Variants in GLRA2 observed in about 807,000 individuals in gnomAD.
The protein encoded by GLRA2 is glycine receptor subunit alpha-2.
A neutral mutation model predicts 31.6 loss-of-function variants in GLRA2; 11 were observed. That is an observed-to-expected ratio of 0.35 (90% CI 0.22 to 0.58). GLRA2 has a LOEUF of 0.58. Ranked by LOEUF, GLRA2 falls within the 20% of genes least tolerant of loss-of-function variation. The probability of loss-of-function intolerance (pLI) is 0.84; values close to 1 mark genes in which losing one functional copy is unlikely to be tolerated. For missense variants in GLRA2, 212 were observed against 351.8 expected (o/e 0.60, Z 3.18); for synonymous variants, 132 against 134.0 (o/e 0.99, Z 0.10).
At chrX:14,498,484 AT>A in the GLRA2 span, among the ~76,000 whole-genome samples, 1 of 110,669 alleles carries the variant, frequency 9.0e-6, no homozygotes, top group South Asian at 3.8e-4. Context: ...TTATTTTTAA[AT>A]TTTTTTATAT....
chrX:14,462,490 A>G, the GLRA2 span, among the ~76,000 whole-genome samples: 3 of 111,462 alleles, frequency 2.7e-5, no homozygotes, highest in African/African-American at 9.8e-5. Context: ...ACACCAATCA[A>G]ATGTAGATTT....
chrX:14,550,024 G>T (rs998939693), intron 2 of GLRA2, among the ~76,000 whole-genome samples: 11 of 110,777 alleles, frequency 9.9e-5, no homozygotes, highest in Non-Finnish European at 1.9e-4. Context: ...AGTGCAGCAG[G>T]AATGTTGAGT....
At position 14,627,083 on chromosome X, in the gene GLRA2, A is replaced by G; in HGVS notation, c.930+17878A>G. Reference sequence around the variant, plus strand: ...ACATGGTTATGTTCGTTTTGTGGTGATTCATTAAACTATACACTTGTGATC... The same window carrying G: ...ACATGGTTATGTTCGTTTTGTGGTGGTTCATTAAACTATACACTTGTGATC... On this transcript the variant is annotated intron_variant, in intron 7 of 8. Transcript: ENST00000218075. 3.6e-5 allele frequency among the ~76,000 whole-genome samples: 4 copies of G among 111,219 alleles called. 1 individual carries two copies. In the South Asian group the frequency reaches 1.5e-3, roughly 42 times the overall value.
chrX:14,464,925 T>C, the GLRA2 span, among the ~76,000 whole-genome samples: 1,072 of 112,294 alleles, frequency 9.5e-3, 9 homozygotes, highest in Non-Finnish European at 0.015. Flanking sequence ...TTTGGAAATA[T>C]GGTAGCATAT....
chrX:14,507,718 CA>C, the GLRA2 span, among the ~76,000 whole-genome samples: 2 of 27,484 alleles, frequency 7.3e-5, no homozygotes, highest in South Asian at 3.8e-3. Context: ...TTTTTGGAGA[CA>C]GAGTCTCACT....
At chrX:14,467,216 AG>A in the GLRA2 span, among the ~76,000 whole-genome samples, 2 of 112,614 alleles carry the variant, frequency 1.8e-5, no homozygotes, top group Non-Finnish European at 3.7e-5. Context: ...AACAAAAAAA[AG>A]ATGTTTGTGT....
At chrX:14,454,991 C>G in the GLRA2 span, among the ~76,000 whole-genome samples, 1 of 111,510 alleles carries the variant, frequency 9.0e-6, no homozygotes, top group African/African-American at 3.3e-5. Flanking sequence ...AAATGTCAGC[C>G]TAATGTGTTT....
chrX:14,692,329 A>G (rs904340985), intron 8 of GLRA2, among the ~76,000 whole-genome samples: 1 of 112,414 alleles, frequency 8.9e-6, no homozygotes, highest in Non-Finnish European at 1.9e-5. Context: ...TCACATTCAC[A>G]GAAGTCCAGC....
At chrX:14,513,117 T>C in the GLRA2 span, among the ~76,000 whole-genome samples, 6 of 111,007 alleles carry the variant, frequency 5.4e-5, no homozygotes, top group Non-Finnish European at 1.1e-4. Flanking sequence ...AAGCTAAATA[T>C]AGCCAACTGA....
At chrX:14,592,025 A>T (rs2056160933) in intron 4 of GLRA2, among the ~76,000 whole-genome samples, 1 of 111,361 alleles carries the variant, frequency 9.0e-6, no homozygotes, top group Non-Finnish European at 1.9e-5. Context: ...CAGCTCCATA[A>T]GTTTATCATT....
the GLRA2 span, among the ~76,000 whole-genome samples, chrX:14,459,021 C>A: frequency 1.8e-5 from 2 of 111,985 alleles, no homozygotes; most frequent in Admixed American, 1.9e-4. Context: ...ACATTTAAGT[C>A]TTTAATCCAT....
intron 7 of GLRA2, among the ~76,000 whole-genome samples, chrX:14,663,239 C>A (rs1485299299): frequency 9.0e-6 from 1 of 111,201 alleles, no homozygotes; most frequent in Non-Finnish European, 1.9e-5. Context: ...ATAGTTTTGG[C>A]TTTTGTATAT....
chrX:14,630,399 C>A (rs1345438789), intron 7 of GLRA2, among the ~76,000 whole-genome samples: 1 of 111,282 alleles, frequency 9.0e-6, no homozygotes, highest in Non-Finnish European at 1.9e-5. Flanking sequence ...TGGTTTTGAG[C>A]AATTTAATTA....
intron 7 of GLRA2, among the ~76,000 whole-genome samples, chrX:14,677,321 T>C (rs2091154948): frequency 9.0e-6 from 1 of 111,671 alleles, no homozygotes; most frequent in Non-Finnish European, 1.9e-5. Flanking sequence ...ACTTACTATA[T>C]GCACAAAAAC....
intron 8 of GLRA2, among the ~76,000 whole-genome samples, chrX:14,692,902 A>G (rs1374399299): frequency 9.0e-6 from 1 of 111,695 alleles, no homozygotes; most frequent in Non-Finnish European, 1.9e-5. Flanking sequence ...AATTTTTAAA[A>G]AAGTATAACT....
chrX:14,644,811 G>A (rs2090812299), intron 7 of GLRA2, among the ~76,000 whole-genome samples: 1 of 112,009 alleles, frequency 8.9e-6, no homozygotes, highest in African/African-American at 3.2e-5. Flanking sequence ...CTAGTCAAAT[G>A]CTGATTTGAG....
At chrX:14,493,724 CGT>C in the GLRA2 span, among the ~76,000 whole-genome samples, 1 of 93,021 alleles carries the variant, frequency 1.1e-5, no homozygotes, top group African/African-American at 4.5e-5. Flanking sequence ...TACATATATA[CGT>C]GTATATGTAT....
At chrX:14,449,073 C>G in the GLRA2 span, among the ~76,000 whole-genome samples, 6 of 112,550 alleles carry the variant, frequency 5.3e-5, no homozygotes, top group Non-Finnish European at 1.1e-4. Context: ...GAGCTGGAAC[C>G]TGACCCTGAG....
rs6630834 is a variant in GLRA2, at chrX:14,684,742, A to T, written c.931-5968A>T. Among the ~76,000 whole-genome samples the T allele has an allele frequency of 1.2e-4, 13 of 111,788 alleles. No homozygotes were observed. The East Asian group carries it at 2.3e-3, about 19-fold the overall frequency. On this transcript the variant is annotated intron_variant, in intron 7 of 8. Transcript: ENST00000218075. ...TGAGACCATGGGGTTTTCTAAAGAT[A>T]AAATCATCTCATCTACAAACAGGGA... is the stretch of plus-strand genomic sequence containing the variant.
Sources: gnomAD v4.1 joint callset for allele counts (sites outside exome capture counted in the v4.1 genomes callset) on GRCh38, gnomAD v4.1.1 for gene constraint, MANE v1.5 for transcripts, NCBI Gene and HGNC (gene_info 2026-07-23, HGNC 2026-07-21) for gene names.